The following CDH15 variants were observed in gnomAD, a reference collection of about 807,000 sequenced individuals.
The protein encoded by CDH15 is cadherin-15.
CDH15 carries 73 observed loss-of-function variants against 69.4 expected under a neutral mutation model. The ratio of observed to expected loss-of-function variants is 1.05; its 90% CI spans 0.87 to 1.28. The LOEUF is 1.28. Among genes scored for constraint, CDH15 ranks in the 50% most tolerant of loss-of-function variants. The pLI is 0.00. For missense variants in CDH15, 1,343 were observed against 1,133.6 expected (o/e 1.18, Z -2.65); for synonymous variants, 624 against 507.7 (o/e 1.23, Z -3.08).
chr16:89,177,931 C>T (rs1186001368), intron 1 of CDH15, among the ~76,000 whole-genome samples: 2 of 152,144 alleles, frequency 1.3e-5, no homozygotes, highest in Non-Finnish European at 2.9e-5. Context: ...GATCCCAGGA[C>T]AGGCAGGACC....
intron 3 of CDH15, 96 bp from the exon 4 acceptor site, chr16:89,183,452 A>G: frequency 7.0e-7 from 1 of 1,424,322 alleles, no homozygotes; most frequent in South Asian, 1.2e-5. Flanking sequence ...CCAGCTGGAG[A>G]CAAAGTCTGA....
rs1244904767 is a variant in CDH15, at chr16:89,191,396, C to G, written c.1299C>G (p.Thr433=). Residue 433 remains threonine, a synonymous_variant, in exon 9 of 14, where the codon ACC becomes ACG. Coordinates refer to ENST00000289746, the MANE Select transcript of CDH15 (RefSeq NM_004933.3). ...QVDAATGRIQ[T]QHVLSPASPF... ...ACGCAGCCACTGGCCGGATCCAGACCCAGCACGTGCTCAGCCCGGCGTCCC... is the reference window on the plus strand; with the variant it reads ...ACGCAGCCACTGGCCGGATCCAGACGCAGCACGTGCTCAGCCCGGCGTCCC... The G allele has an allele frequency of 6.2e-7, 1 of 1,612,812 alleles. No homozygotes were observed. The highest frequency in any genetic ancestry group is 8.5e-7 in the Non-Finnish European group (1 of 1,179,992).
intron 1 of CDH15, among the ~76,000 whole-genome samples, chr16:89,173,336 T>C (rs73257999): frequency 0.067 from 10,267 of 152,148 alleles, 1,134 homozygotes; most frequent in African/African-American, 0.23. Flanking sequence ...TCCAGACCTC[T>C]TCCTTTGGAT....
At chr16:89,191,982 G>C (rs1014846489) in intron 10 of CDH15, 88 bp downstream of exon 10, 3 of 1,344,366 alleles carry the variant, frequency 2.2e-6, no homozygotes, top group Middle Eastern at 2.6e-4. Context: ...GGAGGGTGAG[G>C]GGCATGCAAA....
chr16:89,191,346 G>C lies in CDH15; in HGVS notation c.1249G>C (p.Asp417His). 2 of 1,612,796 alleles carry C rather than the reference G, an allele frequency of 1.2e-6. No homozygotes were observed. Among genetic ancestry groups the C allele is most frequent in the Middle Eastern group, 1.6e-4 (1 of 6,062 alleles). ...LQRLSYSKDY[D>H]PEDWLQVDAA... ...CTGCATCAGCTACTCCAAGGACTAC[G>C]ACCCGGAAGACTGGCTGCAAGTGGA... The change falls in exon 9 of 14, where the codon GAC (aspartate) becomes CAC (histidine). Residue 417 changes from aspartate to histidine, a missense_variant. Coordinates refer to ENST00000289746, the MANE Select transcript of CDH15 (RefSeq NM_004933.3).
At chr16:89,191,597 G>C (rs1008657149) in intron 9 of CDH15, 58 bp from the exon 10 acceptor site, 13 of 1,571,180 alleles carry the variant, frequency 8.3e-6, no homozygotes, top group Non-Finnish European at 9.5e-6. Context: ...GCTCTGAGCC[G>C]ACTGGTGGGG....
intron 3 of CDH15, among the ~76,000 whole-genome samples, chr16:89,181,823 C>T (rs1242260068): frequency 6.6e-6 from 1 of 151,764 alleles, no homozygotes; most frequent in Non-Finnish European, 1.5e-5. Context: ...CCTGTAGTCC[C>T]AGCTACTCAG....
At position 89,184,768 on chromosome 16, in the gene CDH15, C is replaced by T. The variant is rs528217562; in HGVS notation, c.503-405C>T. Among the ~76,000 whole-genome samples the T allele has an allele frequency of 3.9e-5, 6 of 152,314 alleles. No individual in the cohort carries two copies. In the East Asian group the frequency reaches 1.2e-3, roughly 29 times the overall value. ...CATGCATCCTCTGTCACCCTGGATG[C>T]CAGCAGCTCCTGGAGGCCCCCGCTA... On this transcript the variant is annotated intron_variant, in intron 4 of 13. Coordinates refer to ENST00000289746, the MANE Select transcript of CDH15 (RefSeq NM_004933.3).
chr16:89,178,360 C>T (rs1915301850), intron 1 of CDH15, among the ~76,000 whole-genome samples: 1 of 152,194 alleles, frequency 6.6e-6, no homozygotes. Context: ...GCATTACAAA[C>T]AGTGCGTCCC....
At chr16:89,185,392 G>T in intron 5 of CDH15, 59 bp downstream of exon 5, 1 of 1,529,634 alleles carries the variant, frequency 6.5e-7, no homozygotes, top group South Asian at 1.2e-5. Context: ...ATCTCCTGCG[G>T]GTCCCTCTGC....
At chr16:89,180,871 C>T (rs1567771820) in intron 3 of CDH15, among the ~76,000 whole-genome samples, 1 of 151,838 alleles carries the variant, frequency 6.6e-6, no homozygotes, top group Non-Finnish European at 1.5e-5. Context: ...CTACAGGCCC[C>T]TGCCACCATG....
At chr16:89,183,423 C>A in intron 3 of CDH15, 125 bp from the exon 4 acceptor site, 1 of 1,112,560 alleles carries the variant, frequency 9.0e-7, no homozygotes, top group Non-Finnish European at 1.3e-6. Context: ...CTGTTTCTCG[C>A]CTGTTTAAGC....
intron 13 of CDH15, among the ~76,000 whole-genome samples, chr16:89,194,594 C>T (rs111231641): frequency 6.6e-6 from 1 of 152,294 alleles, no homozygotes; most frequent in African/African-American, 2.4e-5. Context: ...AACCCCTTCC[C>T]ACCTTGCTGG....
At chr16:89,180,817 G>A (rs1237308962) in intron 3 of CDH15, among the ~76,000 whole-genome samples, 11 of 145,788 alleles carry the variant, frequency 7.5e-5, no homozygotes, top group East Asian at 2.2e-4. Flanking sequence ...TCCGCCTCCC[G>A]GGTTCACGCC....
In CDH15 at chr16:89,185,216, C is replaced by T. The variant is rs367552617; in HGVS notation, c.546C>T (p.Pro182=). 72 of 1,605,628 alleles carry T rather than the reference C, an allele frequency of 4.5e-5. No individual in the cohort carries two copies. The highest frequency in any genetic ancestry group is 5.5e-5 in the Non-Finnish European group (65 of 1,176,716). The change falls in exon 5 of 14, where the codon CCC becomes CCT. Residue 182 remains proline (P), a synonymous_variant. Coordinates refer to ENST00000289746, the MANE Select transcript of CDH15 (RefSeq NM_004933.3). ...TRAEATDADD[P]ETDNAALRFS... is the part of the protein sequence containing the mutation. ...CAGAGGCCACAGATGCCGACGACCCCGAGACGGACAACGCAGCGCTGCGGT... is the reference window on the plus strand; with the variant it reads ...CAGAGGCCACAGATGCCGACGACCCTGAGACGGACAACGCAGCGCTGCGGT...
At chr16:89,190,025 C>A (rs893785289) in intron 7 of CDH15, among the ~76,000 whole-genome samples, 7 of 152,264 alleles carry the variant, frequency 4.6e-5, no homozygotes, top group African/African-American at 1.7e-4. Flanking sequence ...TGCTTGAACC[C>A]TGGGCTGCTC....
chr16:89,191,227 G>A, intron 8 of CDH15, 103 bp from the exon 9 acceptor site: 1 of 1,314,396 alleles, frequency 7.6e-7, no homozygotes, highest in Non-Finnish European at 1.1e-6. Context: ...GTATGTATGT[G>A]TGTGCCTGTG....
chr16:89,188,417 C>T, intron 7 of CDH15, 132 bp downstream of exon 7: 1 of 660,742 alleles, frequency 1.5e-6, no homozygotes. Context: ...CCGGCACACA[C>T]AGATGCCCAC....
In CDH15 at chr16:89,192,211, A is replaced by C; in HGVS notation, c.1622A>C (p.His541Pro). The C allele has an allele frequency of 6.5e-7, 1 of 1,529,040 alleles. No individual in the cohort carries two copies. The highest frequency in any genetic ancestry group is 8.7e-7 in the Non-Finnish European group (1 of 1,144,436). The allele number at this position is 1,529,040 out of a possible 1,614,324, so 94.7% of individuals were successfully genotyped here. Residue 541 changes from histidine to proline, a missense_variant, in exon 11 of 14, where the codon CAC (histidine) becomes CCC (proline). Physicochemically the swap from His to Pro is moderately conservative, Grantham distance 77. Coordinates refer to ENST00000289746, the MANE Select transcript of CDH15 (RefSeq NM_004933.3). The part of the protein sequence containing the change: ...NWSLSQVNVS[H>P]ARLRPRHQVP... ...CCACAGGCGCCCTCCGCAGTGAGCC[A>C]CGCGCGCCTGCGGCCGCGACACCAG...
Sources: allele counts gnomAD v4.1 joint callset (sites outside exome capture counted in the v4.1 genomes callset), GRCh38; gene constraint gnomAD v4.1.1; transcripts MANE v1.5; gene names NCBI Gene and HGNC (gene_info 2026-07-23, HGNC 2026-07-21).